The following ITFG2 variants were observed in gnomAD, a reference collection of about 807,000 sequenced individuals.
ITFG2 encodes the protein KICSTOR complex protein ITFG2.
A neutral mutation model predicts 54.4 loss-of-function variants in ITFG2; 36 were observed. That is an observed-to-expected ratio of 0.66 (90% confidence interval 0.51 to 0.87). ITFG2 has a LOEUF of 0.87. Among genes scored for constraint, ITFG2 ranks in the 40% least tolerant of loss-of-function variants. The probability of loss-of-function intolerance (pLI) is 0.00; values close to 1 mark genes in which losing one functional copy is unlikely to be tolerated. For synonymous variants in ITFG2, 211 were observed against 225.4 expected (o/e 0.94, Z 0.57); for missense variants, 524 against 576.7 (o/e 0.91, Z 0.94).
intron 3 of ITFG2, 55 bp from the exon 4 acceptor site, chr12:2,818,051 T>G: frequency 6.2e-7 from 1 of 1,608,954 alleles, no homozygotes; most frequent in Non-Finnish European, 8.5e-7. Flanking sequence ...ATGATCAGGC[T>G]TGTTTCCAAA....
At position 2,854,838 on chromosome 12, in the gene ITFG2, G is replaced by A. The variant is rs1013241359; in HGVS notation, n.301-3174G>A. The stretch of plus-strand genomic sequence containing the variant: ...GGTTAGAAACAGGAACCTGAGAGAG[G>A]GAGGGGTCACCTGGGCAGGGCAGGC... On this transcript the variant is annotated intron_variant and non_coding_transcript_variant, in intron 2 of 3. Transcript: ENST00000537710. 7 of 1,460,390 alleles carry A rather than the reference G, an allele frequency of 4.8e-6. No homozygotes were observed. In the Admixed American group the frequency reaches 6.8e-5, roughly 14 times the overall value. The allele number at this position is 1,460,390 out of a possible 1,614,324, so 90.5% of individuals were successfully genotyped here.
rs1001382970 is a variant in ITFG2, at chr12:2,849,368, G to T, written n.300+8373G>T. 3.6e-5 allele frequency: 56 copies of T among 1,536,066 alleles called. 1 individual carries two copies. Among genetic ancestry groups the T allele is most frequent in the Middle Eastern group, 3.3e-4 (2 of 6,012 alleles). On this transcript the variant is annotated intron_variant and non_coding_transcript_variant, in intron 2 of 3. Coordinates refer to the ITFG2 transcript ENST00000537710. ...TCCCTTATGAGGTCCTGGCTCAGGG[G>T]CGCGCTGGGCAGCAAGGCCAGCTTT...
At chr12:2,816,636 C>CTTTTTTT in intron 1 of ITFG2, among the ~76,000 whole-genome samples, 1 of 111,278 alleles carries the variant, frequency 9.0e-6, no homozygotes, top group Non-Finnish European at 1.8e-5. Context: ...GCCTTTTTTT[C>CTTTTTTT]TTTTTTTTTT....
chr12:2,840,073 C>A (rs11833073), intron 1 of ITFG2, among the ~76,000 whole-genome samples: 22,599 of 146,026 alleles, frequency 0.15, 1,856 homozygotes, highest in South Asian at 0.35. Context: ...GCCCTTCTAA[C>A]AAACCCGCAC....
At chr12:2,816,546 G>T (rs553799491) in intron 1 of ITFG2, among the ~76,000 whole-genome samples, 2 of 151,346 alleles carry the variant, frequency 1.3e-5, no homozygotes, top group African/African-American at 2.4e-5. Flanking sequence ...AGCTAGGATG[G>T]TCTCAATCTC....
chr12:2,855,198 G>A (rs1603494037), intron 2 of ITFG2: 2 of 1,507,460 alleles, frequency 1.3e-6, no homozygotes, highest in African/African-American at 1.4e-5. Flanking sequence ...GGGTGGGGAA[G>A]GTGGCAGGCA....
At chr12:2,814,794 G>A (rs1050132205) in intron 1 of ITFG2, among the ~76,000 whole-genome samples, 1 of 151,900 alleles carries the variant, frequency 6.6e-6, no homozygotes, top group East Asian at 1.9e-4. Context: ...ATCACACTAC[G>A]GTACTCCAGC....
chr12:2,828,109 C>G, downstream of ITFG2: 1 of 1,456,264 alleles, frequency 6.9e-7, no homozygotes, highest in Non-Finnish European at 9.5e-7. Flanking sequence ...CCCCATTAAT[C>G]AGCAGGTGTC....
chr12:2,844,906 G>A (rs1039364234), intron 2 of ITFG2, among the ~76,000 whole-genome samples: 2 of 152,152 alleles, frequency 1.3e-5, no homozygotes, highest in Non-Finnish European at 1.5e-5. Flanking sequence ...TCCTGTCTTG[G>A]AATTTGGACA....
chr12:2,846,988 C>T (rs970891772), intron 2 of ITFG2, among the ~76,000 whole-genome samples: 3 of 152,116 alleles, frequency 2.0e-5, no homozygotes, highest in Non-Finnish European at 4.4e-5. Context: ...CAACCACTAC[C>T]CCTATCTAGT....
intron 2 of ITFG2, among the ~76,000 whole-genome samples, chr12:2,844,278 G>T (rs1362123327): frequency 1.3e-5 from 2 of 151,984 alleles, no homozygotes; most frequent in African/African-American, 4.8e-5. Context: ...ATAAGGCTGG[G>T]CATGGTGGCT....
rs886234920 is a variant in ITFG2, at chr12:2,818,250, A to C, written c.379A>C (p.Thr127Pro). The C allele has an allele frequency of 7.4e-6, 12 of 1,613,624 alleles. No individual in the cohort carries two copies. The Admixed American group carries it at 1.8e-4, about 25-fold the overall frequency. The change falls in exon 4 of 12, where the codon ACC (threonine) becomes CCC (proline). Residue 127 changes from threonine (T) to proline (P), a missense_variant. Physicochemically the swap from Thr to Pro is conservative, Grantham distance 38 (BLOSUM62 -1). Coordinates refer to ENST00000228799, the MANE Select transcript of ITFG2 (RefSeq NM_018463.4). ...CTTCAAGCAGCACATCCCTGCCAAC[A>C]CCAAGGTCATGCTGATCAGCGACAT... ...PVFKQHIPAN[T>P]KVMLISDIDG...
chr12:2,839,228 T>C (rs1327761440), intron 1 of ITFG2, among the ~76,000 whole-genome samples: 2 of 151,698 alleles, frequency 1.3e-5, no homozygotes, highest in Admixed American at 6.6e-5. Context: ...AAGGCAGAGG[T>C]TACAGTGAGC....
At chr12:2,817,973 C>T in intron 3 of ITFG2, 23 bp downstream of exon 3, 2 of 1,612,858 alleles carry the variant, frequency 1.2e-6, no homozygotes, top group Admixed American at 1.7e-5. Context: ...GGGGACCTTC[C>T]TTGGTTCTTA....
intron 3 of ITFG2, chr12:2,859,245 A>T (rs766746704): frequency 3.4e-5 from 55 of 1,613,674 alleles, no homozygotes; most frequent in Non-Finnish European, 4.7e-5. Context: ...CCCCTCTGAG[A>T]AGAGCAGCTC....
chr12:2,822,782 G>T lies in ITFG2; in HGVS notation c.949-12G>T. 1 of 1,609,740 alleles carries T rather than the reference G, an allele frequency of 6.2e-7. No homozygotes were observed. Among genetic ancestry groups the T allele is most frequent in the Admixed American group, 1.7e-5 (1 of 59,976 alleles). ...GCTCCTTTATGTTCCTTTTGTCTCTGTCCTTTTTCAGGGCAACGGGCATGA... is the reference window on the plus strand; with the variant it reads ...GCTCCTTTATGTTCCTTTTGTCTCTTTCCTTTTTCAGGGCAACGGGCATGA... On this transcript the variant is annotated splice_polypyrimidine_tract_variant and intron_variant, in intron 9 of 11. Coordinates refer to ENST00000228799, the MANE Select transcript of ITFG2 (RefSeq NM_018463.4).
chr12:2,820,280 T>C (rs907273761), intron 5 of ITFG2, 55 bp downstream of exon 5: 27 of 1,504,632 alleles, frequency 1.8e-5, no homozygotes, highest in Non-Finnish European at 2.4e-5. Flanking sequence ...GAAGGTCTCC[T>C]GGAGGAGGTA....
At chr12:2,829,821 T>G (rs987549754), downstream of ITFG2, among the ~76,000 whole-genome samples, 34 of 147,160 alleles carry the variant, frequency 2.3e-4, no homozygotes, top group African/African-American at 8.7e-4. Flanking sequence ...CTCACGCCTG[T>G]AATCCCAGCA....
rs1202027114 is a variant in ITFG2, at chr12:2,824,414, T to C, written c.*221T>C. On this transcript the variant is annotated 3_prime_UTR_variant, in exon 12 of 12. Transcript: ENST00000228799. ...AGTTGACCCTCTGCCCATTTCCTTA[T>C]GGACCTCACCCATCATGCCAGCAGG... is the stretch of plus-strand genomic sequence containing the variant. 5.0e-6 allele frequency: 3 copies of C among 606,016 alleles called. No individual in the cohort carries two copies. The highest frequency in any genetic ancestry group is 3.6e-5 in the African/African-American group (2 of 55,176). The allele number at this position is 606,016 out of a possible 1,614,324, so 37.5% of individuals were successfully genotyped here. A position where few individuals can be genotyped will look rare whatever the true frequency, so the allele number is the denominator to read the frequency against.
Sources: allele counts gnomAD v4.1 joint callset (sites outside exome capture counted in the v4.1 genomes callset), GRCh38; gene constraint gnomAD v4.1.1; transcripts MANE v1.5; gene names NCBI Gene and HGNC (gene_info 2026-07-23, HGNC 2026-07-21).